Variants in SLC25A13 observed in about 807,000 individuals in gnomAD.
SLC25A13 encodes electrogenic aspartate/glutamate antiporter SLC25A13, mitochondrial.
A neutral mutation model predicts 85.5 loss-of-function variants in SLC25A13; 70 were observed. The ratio of observed to expected loss-of-function variants is 0.82; its 90% CI spans 0.68 to 1.00. SLC25A13 has a LOEUF of 1.00. Among genes scored for constraint, SLC25A13 ranks in the 50% least tolerant of loss-of-function variants. The pLI, the probability that SLC25A13 is intolerant of heterozygous loss-of-function variation, is 0.00. For synonymous variants in SLC25A13, 259 were observed against 288.7 expected, an observed-to-expected ratio of 0.90 and a Z score of 1.04; for missense variants, 765 against 819.8, an observed-to-expected ratio of 0.93 and a Z score of 0.82.
At chr7:96,218,700 CTCTT>C (rs1263094429) in intron 4 of SLC25A13, among the ~76,000 whole-genome samples, 2 of 152,176 alleles carry the variant, frequency 1.3e-5, no homozygotes, top group East Asian at 1.9e-4. Flanking sequence ...TAATCTCTCT[CTCTT>C]TCTCATGGAT....
chr7:96,213,598 G>A (rs1041297700), intron 4 of SLC25A13, among the ~76,000 whole-genome samples: 2 of 152,134 alleles, frequency 1.3e-5, no homozygotes, highest in Non-Finnish European at 2.9e-5. Context: ...TGCAGTCCTG[G>A]AGAGGAAAGA....
At chr7:96,311,839 C>A (rs1330688329) in intron 1 of SLC25A13, among the ~76,000 whole-genome samples, 1 of 152,144 alleles carries the variant, frequency 6.6e-6, no homozygotes, top group Non-Finnish European at 1.5e-5. Flanking sequence ...CTGTCTCTGA[C>A]TGACCTCTAT....
At chr7:96,121,805 CAA>C (rs1791521197) in intron 16 of SLC25A13, 32 bp downstream of exon 16, 1 of 1,614,036 alleles carries the variant, frequency 6.2e-7, no homozygotes, top group South Asian at 1.1e-5. Context: ...TACCTGATAC[CAA>C]AGAGTTAGTT....
intron 5 of SLC25A13, among the ~76,000 whole-genome samples, chr7:96,203,301 C>T (rs571306961): frequency 6.6e-6 from 1 of 152,300 alleles, no homozygotes; most frequent in African/African-American, 2.4e-5. Flanking sequence ...CTATTCAGAA[C>T]TACTAAATTT....
At chr7:96,240,219 A>G (rs964081870) in intron 3 of SLC25A13, among the ~76,000 whole-genome samples, 2 of 152,220 alleles carry the variant, frequency 1.3e-5, no homozygotes, top group Non-Finnish European at 2.9e-5. Context: ...AAATGACTCA[A>G]TGAATTCAGA....
In SLC25A13 at chr7:96,129,055, C is replaced by G. The variant is rs1791888079; in HGVS notation, c.1591+2688G>C. Reference sequence around the variant, plus strand: ...TTGACCAATGGAGAGGCCCACATGACAAGGAACTGAGGCCTCCTGTCAACA... The same window carrying G: ...TTGACCAATGGAGAGGCCCACATGAGAAGGAACTGAGGCCTCCTGTCAACA... On this transcript the variant is annotated intron_variant, in intron 15 of 17. Coordinates refer to ENST00000265631, the MANE Select transcript of SLC25A13 (RefSeq NM_014251.3). 3.3e-5 allele frequency among the ~76,000 whole-genome samples: 5 copies of G among 150,090 alleles called. No individual in the cohort carries two copies. In the Admixed American group the frequency reaches 3.4e-4, roughly 10 times the overall value.
chr7:96,239,084 CA>C (rs1796866390), intron 3 of SLC25A13, among the ~76,000 whole-genome samples: 1 of 132,826 alleles, frequency 7.5e-6, no homozygotes, highest in Non-Finnish European at 1.6e-5. Context: ...TATGTATATA[CA>C]AAGCCTTGTC....
chr7:96,298,252 G>A (rs557873591), intron 1 of SLC25A13, among the ~76,000 whole-genome samples: 1 of 152,234 alleles, frequency 6.6e-6, no homozygotes, highest in South Asian at 2.1e-4. Flanking sequence ...TCTAAATATG[G>A]AACTGCCTGA....
chr7:96,302,294 CTAA>C (rs1476587575), intron 1 of SLC25A13, among the ~76,000 whole-genome samples: 2 of 152,056 alleles, frequency 1.3e-5, no homozygotes, highest in African/African-American at 4.8e-5. Context: ...ATTCACTCTC[CTAA>C]TATGAGTTAG....
chr7:96,120,813 A>G lies in SLC25A13; in HGVS notation c.*378T>C, dbSNP rs781554158. ...TTCCTACCAGTTTAAAACACACACG[A>G]AACACTGCTCTGAGCACCATGATTG... On this transcript the variant is annotated 3_prime_UTR_variant, in exon 18 of 18. Coordinates refer to ENST00000265631, the MANE Select transcript of SLC25A13 (RefSeq NM_014251.3). The G allele has an allele frequency of 1.7e-5, 8 of 463,228 alleles. No homozygotes were observed. In the East Asian group the frequency reaches 4.0e-4, roughly 23 times the overall value. The allele number at this position is 463,228 out of a possible 1,614,324, so 28.7% of individuals were successfully genotyped here.
At chr7:96,122,885 T>C (rs941984511) in intron 15 of SLC25A13, among the ~76,000 whole-genome samples, 2 of 152,250 alleles carry the variant, frequency 1.3e-5, no homozygotes, top group African/African-American at 4.8e-5. Context: ...TATGAACTTA[T>C]TCCAAACCAA....
At chr7:96,242,105 T>G (rs1333378164) in intron 3 of SLC25A13, among the ~76,000 whole-genome samples, 1 of 152,228 alleles carries the variant, frequency 6.6e-6, no homozygotes. Flanking sequence ...ACAAGAGTAC[T>G]TCACAAAAAT....
intron 3 of SLC25A13, among the ~76,000 whole-genome samples, chr7:96,276,191 G>T (rs994553218): frequency 2.0e-5 from 3 of 152,214 alleles, no homozygotes; most frequent in African/African-American, 7.2e-5. Context: ...CCTAGAGAAG[G>T]TTAGTTCTTG....
At chr7:96,122,837 A>T (rs1289857438) in intron 15 of SLC25A13, among the ~76,000 whole-genome samples, 1 of 152,244 alleles carries the variant, frequency 6.6e-6, no homozygotes, top group East Asian at 1.9e-4. Context: ...GACTGTACTC[A>T]GAAGACACTG....
At chr7:96,205,179 A>G (rs1032555756) in intron 5 of SLC25A13, among the ~76,000 whole-genome samples, 2 of 152,232 alleles carry the variant, frequency 1.3e-5, no homozygotes, top group Non-Finnish European at 2.9e-5. Context: ...AAGTACTGGG[A>G]TTACAGGCGT....
chr7:96,276,513 C>T (rs1056781571), intron 3 of SLC25A13, among the ~76,000 whole-genome samples: 5 of 152,110 alleles, frequency 3.3e-5, no homozygotes, highest in African/African-American at 1.2e-4. Flanking sequence ...ATACCAGCTA[C>T]TCAGGAGGCT....
At chr7:96,141,078 T>C (rs1233615405) in intron 14 of SLC25A13, among the ~76,000 whole-genome samples, 1 of 148,428 alleles carries the variant, frequency 6.7e-6, no homozygotes, top group African/African-American at 2.5e-5. Context: ...TAGAGTGTGG[T>C]GGTGCAATCA....
chr7:96,274,790 G>T (rs934447942), intron 3 of SLC25A13, among the ~76,000 whole-genome samples: 5 of 152,142 alleles, frequency 3.3e-5, no homozygotes, highest in Non-Finnish European at 5.9e-5. Context: ...TCTTGTTTTT[G>T]TCAGGTTTGT....
At chr7:96,200,512 C>A (rs867661348) in intron 5 of SLC25A13, among the ~76,000 whole-genome samples, 1 of 151,988 alleles carries the variant, frequency 6.6e-6, no homozygotes. Flanking sequence ...TAAGTAGTTA[C>A]CATTCTTAAT....
Sources: allele counts gnomAD v4.1 joint callset (sites outside exome capture counted in the v4.1 genomes callset), GRCh38; gene constraint gnomAD v4.1.1; transcripts MANE v1.5; gene names NCBI Gene and HGNC (gene_info 2026-07-23, HGNC 2026-07-21).